The following GRM1 variants were observed in gnomAD, a reference collection of about 807,000 sequenced individuals.
GRM1 encodes the protein metabotropic glutamate receptor 1.
GRM1 carries 33 observed loss-of-function variants against 90.9 expected under a neutral mutation model. The ratio of observed to expected loss-of-function variants is 0.36; its 90% CI spans 0.28 to 0.49. The LOEUF is 0.49. Among genes scored for constraint, GRM1 ranks in the 20% least tolerant of loss-of-function variants. The probability of loss-of-function intolerance (pLI) is 0.99; values close to 1 mark genes in which losing one functional copy is unlikely to be tolerated. For synonymous variants in GRM1, 700 were observed against 613.2 expected, an observed-to-expected ratio of 1.14 and a Z score of -2.09; for missense variants, 1,190 against 1,534.3, an observed-to-expected ratio of 0.78 and a Z score of 3.75.
At chr6:146,103,578 T>G (rs1777121200) in intron 1 of GRM1, among the ~76,000 whole-genome samples, 1 of 152,192 alleles carries the variant, frequency 6.6e-6, no homozygotes, top group Admixed American at 6.5e-5. Context: ...TCCTGTATGC[T>G]AATCTTCATC....
At chr6:146,176,460 G>A (rs1008938710) in intron 2 of GRM1, among the ~76,000 whole-genome samples, 1 of 152,004 alleles carries the variant, frequency 6.6e-6, no homozygotes, top group Non-Finnish European at 1.5e-5. Flanking sequence ...CTGGTCAATT[G>A]AGGTAAGGAA....
Position 146,434,199 on chromosome 6 carries a change from C to A in GRM1, c.2988C>A (p.Thr996=), listed in dbSNP as rs1354556388. 2 of 1,610,848 alleles carry A rather than the reference C, an allele frequency of 1.2e-6. No individual in the cohort carries two copies. Among genetic ancestry groups the A allele is most frequent in the Non-Finnish European group, 8.5e-7 (1 of 1,177,426 alleles). ...ATTPPLPSHL[T]AEETPLFLAE... ...CTCCGCCTCTGCCGTCCCACCTGAC[C>A]GCAGAGGAGACCCCCCTCTTCCTGG... The change falls in exon 8 of 8, where the codon ACC becomes ACA. Residue 996 remains threonine, a synonymous_variant. Transcript: ENST00000282753.
intron 4 of GRM1, among the ~76,000 whole-genome samples, chr6:146,355,184 T>C (rs1042021392): frequency 6.6e-6 from 1 of 152,190 alleles, no homozygotes; most frequent in Non-Finnish European, 1.5e-5. Context: ...TGGAAATTAC[T>C]CACATCAAGC....
chr6:146,324,740 C>T lies in GRM1; in HGVS notation c.1186+19894C>T, dbSNP rs536133823. ...TGCCCCACCCTGCTTCAACTCACCCCCCGTGGGCTGCACCCCCTGTCTAAC... is the reference window on the plus strand; with the variant it reads ...TGCCCCACCCTGCTTCAACTCACCCTCCGTGGGCTGCACCCCCTGTCTAAC... On this transcript the variant is annotated intron_variant, in intron 3 of 7. Coordinates refer to ENST00000282753, the MANE Select transcript of GRM1 (RefSeq NM_001278064.2). Among the ~76,000 whole-genome samples the T allele has an allele frequency of 2.0e-5, 3 of 152,156 alleles. 1 individual carries two copies. Among genetic ancestry groups the T allele is most frequent in the Admixed American group, 6.5e-5 (1 of 15,272 alleles).
chr6:146,089,805 C>T (rs1178551707), intron 1 of GRM1, among the ~76,000 whole-genome samples: 24 of 151,962 alleles, frequency 1.6e-4, no homozygotes, highest in Admixed American at 1.6e-3. Flanking sequence ...TTTATAAATC[C>T]TTTCAGTCTC....
At chr6:146,213,309 G>A (rs1207430770) in intron 2 of GRM1, among the ~76,000 whole-genome samples, 3 of 152,008 alleles carry the variant, frequency 2.0e-5, no homozygotes, top group African/African-American at 7.2e-5. Flanking sequence ...TTGGGTGGGG[G>A]GCGGTAAGTA....
chr6:146,119,105 G>A (rs909042883), intron 1 of GRM1, among the ~76,000 whole-genome samples: 2 of 152,310 alleles, frequency 1.3e-5, no homozygotes, highest in Non-Finnish European at 2.9e-5. Context: ...AGCACCTGTT[G>A]TTTCCTGACT....
chr6:146,230,885 C>A (rs1354464639), intron 2 of GRM1, among the ~76,000 whole-genome samples: 1 of 152,042 alleles, frequency 6.6e-6, no homozygotes, highest in Non-Finnish European at 1.5e-5. Flanking sequence ...GTGCATATTT[C>A]TAAGTGAGAG....
chr6:146,189,459 T>C (rs915123954), intron 2 of GRM1, among the ~76,000 whole-genome samples: 2 of 152,354 alleles, frequency 1.3e-5, no homozygotes, highest in African/African-American at 4.8e-5. Context: ...TCTTCGACTC[T>C]CTTGCCTCTG....
chr6:146,249,326 C>T (rs1781189013), intron 2 of GRM1, among the ~76,000 whole-genome samples: 1 of 152,072 alleles, frequency 6.6e-6, no homozygotes, highest in South Asian at 2.1e-4. Context: ...GTCTAGAGGT[C>T]TAGGAGGGAA....
intron 1 of GRM1, among the ~76,000 whole-genome samples, chr6:146,084,466 C>A (rs935833479): frequency 6.6e-6 from 1 of 152,034 alleles, no homozygotes; most frequent in Admixed American, 6.6e-5. Context: ...CAAAGAACTT[C>A]TTGATTTCTG....
intron 5 of GRM1, among the ~76,000 whole-genome samples, chr6:146,364,739 C>CCTCT (rs147830116): frequency 6.7e-6 from 1 of 150,272 alleles, no homozygotes; most frequent in African/African-American, 2.4e-5. Flanking sequence ...CCACATCACG[C>CCTCT]CTCTCTCTCT....
intron 1 of GRM1, among the ~76,000 whole-genome samples, chr6:146,063,413 T>C (rs1276829979): frequency 6.6e-6 from 1 of 152,210 alleles, no homozygotes; most frequent in Non-Finnish European, 1.5e-5. Flanking sequence ...CAATTCAACA[T>C]TGATATTGAT....
intron 2 of GRM1, among the ~76,000 whole-genome samples, chr6:146,219,674 A>G (rs1248913404): frequency 2.6e-5 from 4 of 152,192 alleles, no homozygotes; most frequent in Non-Finnish European, 4.4e-5. Context: ...AAATGTTTCA[A>G]TTTTATGTGT....
intron 1 of GRM1, among the ~76,000 whole-genome samples, chr6:146,141,312 T>C (rs568231666): frequency 1.2e-3 from 187 of 151,194 alleles, no homozygotes; most frequent in Non-Finnish European, 2.2e-3. Flanking sequence ...CTTCTAAGAT[T>C]TTTTTTTTGT....
In GRM1 at chr6:146,360,195, A is replaced by G. The variant is rs537489460; in HGVS notation, c.1602+2501A>G. 1.5e-3 allele frequency among the ~76,000 whole-genome samples: 234 copies of G among 152,284 alleles called. 1 individual carries two copies. Among genetic ancestry groups the G allele is most frequent in the African/African-American group, 5.4e-3 (226 of 41,552 alleles). ...AGGAAAGGGTTATTTTAAATATCAA[A>G]TCCATTTAAACTGCTAAAATAATAA... On this transcript the variant is annotated intron_variant, in intron 5 of 7. Coordinates refer to ENST00000282753, the MANE Select transcript of GRM1 (RefSeq NM_001278064.2).
chr6:146,170,959 G>A (rs1370011780), intron 2 of GRM1, among the ~76,000 whole-genome samples: 1 of 151,752 alleles, frequency 6.6e-6, no homozygotes, highest in Non-Finnish European at 1.5e-5. Flanking sequence ...TTTTTGTCTT[G>A]GGTAGATTAT....
intron 2 of GRM1, among the ~76,000 whole-genome samples, chr6:146,190,370 G>A (rs889221560): frequency 6.6e-6 from 1 of 152,184 alleles, no homozygotes; most frequent in Non-Finnish European, 1.5e-5. Flanking sequence ...CATCCTGGGA[G>A]TGTTAAGAAA....
intron 2 of GRM1, among the ~76,000 whole-genome samples, chr6:146,296,733 G>T (rs1358038682): frequency 6.6e-6 from 1 of 152,208 alleles, no homozygotes; most frequent in Non-Finnish European, 1.5e-5. Flanking sequence ...TATATAGGCT[G>T]TGTAAATTCA....
Sources: allele counts gnomAD v4.1 joint callset (sites outside exome capture counted in the v4.1 genomes callset), GRCh38; gene constraint gnomAD v4.1.1; transcripts MANE v1.5; gene names NCBI Gene and HGNC (gene_info 2026-07-23, HGNC 2026-07-21).